FARP1: variants seen among roughly 807,000 people sequenced by gnomAD.
The protein encoded by FARP1 is FERM, ARH/RhoGEF and pleckstrin domain protein 1.
In FARP1, 52 loss-of-function variants were observed where a neutral mutation model predicts 128.8. That is an observed-to-expected ratio of 0.40 (90% CI 0.32 to 0.51). The LOEUF (loss-of-function observed/expected upper bound fraction) is 0.51, where lower values mean the gene tolerates loss of function less well. FARP1 is among the 20% of genes least tolerant of loss of function. FARP1 has a pLI of 0.45. For synonymous variants in FARP1, 580 were observed against 551.8 expected (o/e 1.05, Z -0.72); for missense variants, 1,333 against 1,367.9 (o/e 0.97, Z 0.40).
At chr13:98,333,212 A>T (rs1887586327) in intron 2 of FARP1, 1 of 152,160 alleles carries the variant, frequency 6.6e-6, no homozygotes, top group Non-Finnish European at 1.5e-5. Context: ...TCTCTGCCTA[A>T]TAGATATTAA....
chr13:98,239,922 A>G (rs1287779359), intron 2 of FARP1, among the ~76,000 whole-genome samples: 1 of 152,132 alleles, frequency 6.6e-6, no homozygotes, highest in Non-Finnish European at 1.5e-5. Context: ...GAGGGGCCCA[A>G]AGACACCTGG....
intron 1 of FARP1, among the ~76,000 whole-genome samples, chr13:98,194,220 G>A (rs530138531): frequency 3.5e-4 from 53 of 152,036 alleles, no homozygotes; most frequent in Non-Finnish European, 5.3e-4. Flanking sequence ...GGGTTCAAGC[G>A]ATTCTCCTGC....
At chr13:98,200,349 C>A (rs1879849232) in intron 1 of FARP1, among the ~76,000 whole-genome samples, 3 of 151,488 alleles carry the variant, frequency 2.0e-5, no homozygotes. Flanking sequence ...GCTTCTCAGA[C>A]CAGAGCCTGC....
At chr13:98,330,877 G>A (rs1887479050) in intron 2 of FARP1, among the ~76,000 whole-genome samples, 1 of 152,200 alleles carries the variant, frequency 6.6e-6, no homozygotes, top group Non-Finnish European at 1.5e-5. Context: ...TAGAGTCATT[G>A]CAGGAACATT....
At chr13:98,357,711 T>C (rs1375237475) in intron 3 of FARP1, among the ~76,000 whole-genome samples, 1 of 152,196 alleles carries the variant, frequency 6.6e-6, no homozygotes. Flanking sequence ...TCTAGGTTAG[T>C]TTTTACTGAT....
chr13:98,340,880 T>TA (rs1281072436), intron 2 of FARP1: 1 of 152,190 alleles, frequency 6.6e-6, no homozygotes, highest in Admixed American at 6.5e-5. Flanking sequence ...GTGGTGAAGA[T>TA]AAGATTGGTG....
At chr13:98,248,522 T>C (rs1883176414) in intron 2 of FARP1, among the ~76,000 whole-genome samples, 1 of 152,176 alleles carries the variant, frequency 6.6e-6, no homozygotes, top group Admixed American at 6.5e-5. Flanking sequence ...TGGATATTAA[T>C]GTTAAATCTA....
chr13:98,248,700 G>A (rs909545860), intron 2 of FARP1, among the ~76,000 whole-genome samples: 1 of 151,966 alleles, frequency 6.6e-6, no homozygotes, highest in African/African-American at 2.4e-5. Flanking sequence ...TGCCCAATGT[G>A]CACATTCTCA....
intron 2 of FARP1, among the ~76,000 whole-genome samples, chr13:98,223,818 C>T (rs2139372603): frequency 6.6e-6 from 1 of 152,358 alleles, no homozygotes; most frequent in East Asian, 1.9e-4. Context: ...CCAGAAGCTA[C>T]TCTGTTAAGC....
rs114468735 is a variant in FARP1, at chr13:98,438,596, G to A, written c.2275-208G>A. Among the ~76,000 whole-genome samples, 1,279 of 152,266 alleles carry A rather than the reference G, an allele frequency of 8.4e-3. 24 individuals are homozygous for A. The highest frequency in any genetic ancestry group is 0.03 in the African/African-American group (1,237 of 41,560). On this transcript the variant is annotated intron_variant, in intron 19 of 26. Transcript: ENST00000319562. Reference sequence around the variant, plus strand: ...GGGCAGAGCAATGGTGCAGTGAATCGCAGCTGAGTGCTGTAACTTCCACCA... The same window carrying A: ...GGGCAGAGCAATGGTGCAGTGAATCACAGCTGAGTGCTGTAACTTCCACCA...
intron 13 of FARP1, chr13:98,396,222 T>C (rs2140075299): frequency 2.5e-6 from 1 of 399,118 alleles, no homozygotes; most frequent in Non-Finnish European, 4.4e-6. Context: ...GTGCAGCCTC[T>C]AAGGTCCCTG....
Position 98,410,660 on chromosome 13 carries a change from T to G in FARP1, c.1603-74T>G, listed in dbSNP as rs1447451913. On this transcript the variant is annotated intron_variant, in intron 14 of 26. Transcript: ENST00000319562. ...GATCACAAGTTAGTAACATATCACTTTAATGAGGACATTCTCCGAGACGCA... is the reference window on the plus strand; with the variant it reads ...GATCACAAGTTAGTAACATATCACTGTAATGAGGACATTCTCCGAGACGCA... 6.8e-5 allele frequency: 48 copies of G among 709,876 alleles called. No homozygotes were observed. In the Middle Eastern group the frequency reaches 7.1e-4, roughly 11 times the overall value. The allele number at this position is 709,876 out of a possible 1,614,324, so 44.0% of individuals were successfully genotyped here.
chr13:98,326,753 G>A (rs1594405956), intron 2 of FARP1, among the ~76,000 whole-genome samples: 1 of 152,226 alleles, frequency 6.6e-6, no homozygotes, highest in Non-Finnish European at 1.5e-5. Context: ...TGAGGAGTTA[G>A]ATGGTGAAGG....
chr13:98,183,521 C>T (rs888502210), intron 1 of FARP1, among the ~76,000 whole-genome samples: 7 of 152,176 alleles, frequency 4.6e-5, no homozygotes, highest in African/African-American at 1.7e-4. Context: ...ACTTAAGGGT[C>T]CACGCTTGGA....
intron 16 of FARP1, among the ~76,000 whole-genome samples, chr13:98,412,880 A>G (rs1256028704): frequency 2.0e-5 from 3 of 152,240 alleles, no homozygotes; most frequent in African/African-American, 7.2e-5. Context: ...AGGAGAAAAT[A>G]GCAAAAAGTT....
At chr13:98,328,400 C>G (rs998233155) in intron 2 of FARP1, 1 of 152,188 alleles carries the variant, frequency 6.6e-6, no homozygotes, top group Non-Finnish European at 1.5e-5. Context: ...ATTTTTCTTT[C>G]TTCTTGTTCA....
At chr13:98,392,500 C>CAA (rs768704584) in intron 11 of FARP1, among the ~76,000 whole-genome samples, 7 of 136,384 alleles carry the variant, frequency 5.1e-5, no homozygotes, top group African/African-American at 1.1e-4. Context: ...GATCCTGTCC[C>CAA]AAAAAAAAAA....
intron 2 of FARP1, among the ~76,000 whole-genome samples, chr13:98,315,512 G>A (rs760144260): frequency 6.6e-5 from 10 of 152,132 alleles, no homozygotes; most frequent in Non-Finnish European, 1.2e-4. Context: ...ACTTGTGCCC[G>A]TTTGTCTCCA....
chr13:98,249,357 CAT>C (rs1260620690), intron 2 of FARP1, among the ~76,000 whole-genome samples: 1 of 152,106 alleles, frequency 6.6e-6, no homozygotes, highest in Non-Finnish European at 1.5e-5. Context: ...TTTTTGGGAA[CAT>C]AAAATTTTTA....
Sources: allele counts gnomAD v4.1 joint callset (sites outside exome capture counted in the v4.1 genomes callset), GRCh38; gene constraint gnomAD v4.1.1; transcripts MANE v1.5; gene names NCBI Gene and HGNC (gene_info 2026-07-23, HGNC 2026-07-21).